The following GALNT17 variants were observed in gnomAD, a reference collection of about 807,000 sequenced individuals.
The protein encoded by GALNT17 is UDP-GalNAc:polypeptide N-acetylgalactosaminyltransferase-like 3.
In GALNT17, 29 loss-of-function variants were observed where a neutral mutation model predicts 63.7. The ratio of observed to expected loss-of-function variants is 0.46; its 90% CI spans 0.34 to 0.62. The LOEUF is 0.62. Ranked by LOEUF, GALNT17 falls within the 20% of genes least tolerant of loss-of-function variation. GALNT17 has a pLI of 0.01. For missense variants in GALNT17, 603 were observed against 799.6 expected (o/e 0.75, Z 2.97); for synonymous variants, 305 against 318.3 (o/e 0.96, Z 0.45).
At chr7:71,152,103 T>C (rs1388431430) in intron 1 of GALNT17, among the ~76,000 whole-genome samples, 1 of 152,178 alleles carries the variant, frequency 6.6e-6, no homozygotes, top group Non-Finnish European at 1.5e-5. Context: ...TAATTTTTTT[T>C]TTCTGCGTGC....
chr7:71,225,258 C>T (rs753447576), intron 1 of GALNT17, among the ~76,000 whole-genome samples: 1 of 152,208 alleles, frequency 6.6e-6, no homozygotes, highest in Non-Finnish European at 1.5e-5. Context: ...CATGAGCCAC[C>T]GCACACAGCC....
chr7:71,379,618 C>A (rs74416465), intron 2 of GALNT17, among the ~76,000 whole-genome samples: 1 of 152,024 alleles, frequency 6.6e-6, no homozygotes, highest in Middle Eastern at 3.2e-3. Flanking sequence ...GATTTGGTGA[C>A]CGATAGGCAT....
chr7:71,393,140 T>G (rs1297314540), intron 3 of GALNT17, among the ~76,000 whole-genome samples: 1 of 152,268 alleles, frequency 6.6e-6, no homozygotes, highest in Non-Finnish European at 1.5e-5. Context: ...TTGGCAACTA[T>G]AGATTTGTAT....
intron 1 of GALNT17, among the ~76,000 whole-genome samples, chr7:71,153,439 A>G (rs1448736511): frequency 6.6e-6 from 1 of 152,140 alleles, no homozygotes; most frequent in Non-Finnish European, 1.5e-5. Context: ...AAATCTAGAC[A>G]AGATAGGAAG....
chr7:71,258,561 CAT>C (rs1451670280), intron 1 of GALNT17, among the ~76,000 whole-genome samples: 3 of 152,300 alleles, frequency 2.0e-5, no homozygotes, highest in South Asian at 4.1e-4. Flanking sequence ...CTGATAGACA[CAT>C]GTATAGAAAA....
intron 8 of GALNT17, among the ~76,000 whole-genome samples, chr7:71,671,259 A>G (rs1254846734): frequency 6.6e-6 from 1 of 152,182 alleles, no homozygotes; most frequent in African/African-American, 2.4e-5. Flanking sequence ...AGTCAGGCCA[A>G]GGAGCAGAGA....
chr7:71,231,272 A>C (rs1789783307), intron 1 of GALNT17, among the ~76,000 whole-genome samples: 1 of 149,938 alleles, frequency 6.7e-6, no homozygotes, highest in Non-Finnish European at 1.5e-5. Context: ...GGTTGACCTT[A>C]GACTTGAATC....
At chr7:71,197,910 G>T (rs546292863) in intron 1 of GALNT17, among the ~76,000 whole-genome samples, 3 of 151,864 alleles carry the variant, frequency 2.0e-5, no homozygotes, top group Non-Finnish European at 4.4e-5. Flanking sequence ...GTAAAAAGGG[G>T]ATGCAGGCCA....
intron 2 of GALNT17, among the ~76,000 whole-genome samples, chr7:71,337,539 A>G (rs1168290123): frequency 6.6e-6 from 1 of 152,132 alleles, no homozygotes; most frequent in Non-Finnish European, 1.5e-5. Flanking sequence ...TATTGTTTCA[A>G]CTTACACTTT....
chr7:71,695,883 C>T (rs892616884), intron 9 of GALNT17, among the ~76,000 whole-genome samples: 3 of 152,196 alleles, frequency 2.0e-5, no homozygotes, highest in African/African-American at 7.2e-5. Flanking sequence ...GGGCTCCTGT[C>T]CCCTGCTGGG....
At position 71,471,312 on chromosome 7, in the gene GALNT17, A is replaced by G. The variant is rs566978666; in HGVS notation, c.962+50207A>G. 4.7e-5 allele frequency among the ~76,000 whole-genome samples: 7 copies of G among 149,488 alleles called. No individual in the cohort carries two copies. The East Asian group carries it at 1.4e-3, about 31-fold the overall frequency. On this transcript the variant is annotated intron_variant, in intron 5 of 10. Coordinates refer to ENST00000333538, the MANE Select transcript of GALNT17 (RefSeq NM_022479.3). ...GGCTGGTCTCCGAACTGCTGGACTCAGGGGATCCGCCTACTTCAGCCTCCC... is the reference window on the plus strand; with the variant it reads ...GGCTGGTCTCCGAACTGCTGGACTCGGGGGATCCGCCTACTTCAGCCTCCC...
chr7:71,325,758 T>C (rs1791695038), intron 1 of GALNT17, among the ~76,000 whole-genome samples: 1 of 152,082 alleles, frequency 6.6e-6, no homozygotes, highest in East Asian at 1.9e-4. Context: ...CCTCAGAGGA[T>C]TTCTGGGTTC....
At chr7:71,436,069 A>G (rs551392038) in intron 5 of GALNT17, among the ~76,000 whole-genome samples, 127 of 150,888 alleles carry the variant, frequency 8.4e-4, no homozygotes, top group Middle Eastern at 3.4e-3. Context: ...ATGCTCAGGG[A>G]GACTGATTTG....
At chr7:71,687,226 A>G (rs993548647) in intron 9 of GALNT17, among the ~76,000 whole-genome samples, 10 of 152,188 alleles carry the variant, frequency 6.6e-5, no homozygotes, top group Admixed American at 3.9e-4. Flanking sequence ...ATGACAGATG[A>G]GATTCTTTTA....
chr7:71,332,877 C>T (rs539725284), intron 1 of GALNT17, among the ~76,000 whole-genome samples: 187 of 151,996 alleles, frequency 1.2e-3, no homozygotes, highest in Non-Finnish European at 2.1e-3. Flanking sequence ...TTAGTAGAGA[C>T]GGGATTCATC....
At chr7:71,306,334 C>G (rs1026779464) in intron 1 of GALNT17, among the ~76,000 whole-genome samples, 1 of 152,080 alleles carries the variant, frequency 6.6e-6, no homozygotes, top group African/African-American at 2.4e-5. Flanking sequence ...CATTTTTGGG[C>G]AACAGAACTG....
intron 5 of GALNT17, among the ~76,000 whole-genome samples, chr7:71,535,116 G>A (rs982456256): frequency 9.2e-5 from 14 of 152,196 alleles, no homozygotes; most frequent in African/African-American, 3.4e-4. Flanking sequence ...ATGTGAGGAA[G>A]GGCCACGTGG....
chr7:71,699,131 C>G (rs991742251), intron 9 of GALNT17, among the ~76,000 whole-genome samples: 2 of 135,786 alleles, frequency 1.5e-5, no homozygotes, highest in Non-Finnish European at 3.0e-5. Context: ...AAGATCATGC[C>G]ACTGCACGCC....
At chr7:71,435,912 C>T (rs888835032) in intron 5 of GALNT17, among the ~76,000 whole-genome samples, 4 of 149,886 alleles carry the variant, frequency 2.7e-5, no homozygotes, top group East Asian at 2.0e-4. Context: ...CCCACCTACT[C>T]GGGAGGCTGA....
Sources: allele counts gnomAD v4.1 joint callset (sites outside exome capture counted in the v4.1 genomes callset), GRCh38; gene constraint gnomAD v4.1.1; transcripts MANE v1.5; gene names NCBI Gene and HGNC (gene_info 2026-07-23, HGNC 2026-07-21).